Variants in COL25A1 observed in about 807,000 individuals in gnomAD.
The protein encoded by COL25A1 is collagen type XXV alpha 1 chain.
A neutral mutation model predicts 128.4 loss-of-function variants in COL25A1; 103 were observed. The observed-to-expected ratio is 0.80, with a 90% CI of 0.68 to 0.94. COL25A1 has a LOEUF of 0.94. COL25A1 is among the 40% of genes least tolerant of loss of function. The pLI is 0.00. For missense variants in COL25A1, 745 were observed against 840.0 expected (o/e 0.89, Z 1.40); for synonymous variants, 279 against 277.2 (o/e 1.01, Z -0.06).
chr4:109,055,778 T>C (rs1761398477), intron 3 of COL25A1, among the ~76,000 whole-genome samples: 1 of 152,230 alleles, frequency 6.6e-6, no homozygotes, highest in Non-Finnish European at 1.5e-5. Flanking sequence ...GTCTATGAGC[T>C]ATTTGATGCA....
chr4:108,996,606 T>C (rs1227941989), intron 6 of COL25A1, among the ~76,000 whole-genome samples: 1 of 152,184 alleles, frequency 6.6e-6, no homozygotes, highest in African/African-American at 2.4e-5. Flanking sequence ...TGAACTCAGC[T>C]CTGGATCAAG....
chr4:109,239,929 A>G (rs1169591460), intron 3 of COL25A1, among the ~76,000 whole-genome samples: 1 of 152,010 alleles, frequency 6.6e-6, no homozygotes, highest in Non-Finnish European at 1.5e-5. Context: ...ACACAAACAC[A>G]CACTTTAGCC....
At chr4:109,158,697 C>T (rs1340034341) in intron 3 of COL25A1, among the ~76,000 whole-genome samples, 1 of 152,152 alleles carries the variant, frequency 6.6e-6, no homozygotes, top group East Asian at 1.9e-4. Context: ...TACTGTGCCT[C>T]AGTGATTTAC....
At chr4:108,998,548 A>C (rs1364116485) in intron 6 of COL25A1, among the ~76,000 whole-genome samples, 2 of 152,214 alleles carry the variant, frequency 1.3e-5, no homozygotes, top group African/African-American at 4.8e-5. Context: ...GCCCAAGGTA[A>C]TTTATAGATT....
At chr4:109,152,957 A>T (rs1280386672) in intron 3 of COL25A1, among the ~76,000 whole-genome samples, 1 of 152,134 alleles carries the variant, frequency 6.6e-6, no homozygotes, top group African/African-American at 2.4e-5. Context: ...GAGATGGATG[A>T]TGGTGATGGT....
intron 16 of COL25A1, among the ~76,000 whole-genome samples, chr4:108,893,322 C>A (rs2125851201): frequency 6.6e-6 from 1 of 152,292 alleles, no homozygotes; most frequent in Middle Eastern, 3.4e-3. Flanking sequence ...GTGTGCAGCA[C>A]AAATACCCCA....
At chr4:109,250,635 T>C (rs554057898) in intron 3 of COL25A1, among the ~76,000 whole-genome samples, 2 of 152,338 alleles carry the variant, frequency 1.3e-5, no homozygotes, top group East Asian at 3.9e-4. Flanking sequence ...AAATTCTCCC[T>C]TATTCTACCT....
At chr4:108,877,533 T>G (rs761079929) in intron 19 of COL25A1, among the ~76,000 whole-genome samples, 67 of 152,306 alleles carry the variant, frequency 4.4e-4, no homozygotes, top group Non-Finnish European at 8.5e-4. Context: ...GATAGATACC[T>G]TTAAGGTAAG....
chr4:109,234,359 C>T (rs1411174849), intron 3 of COL25A1, among the ~76,000 whole-genome samples: 1 of 152,102 alleles, frequency 6.6e-6, no homozygotes, highest in Non-Finnish European at 1.5e-5. Context: ...GACTCTCCAA[C>T]ATCTACTCTA....
At chr4:109,073,276 A>C (rs1763129664) in intron 3 of COL25A1, among the ~76,000 whole-genome samples, 1 of 152,152 alleles carries the variant, frequency 6.6e-6, no homozygotes, top group Non-Finnish European at 1.5e-5. Flanking sequence ...TCAAATCCTG[A>C]ATGTAACTTT....
chr4:109,182,548 G>A (rs961074394), intron 3 of COL25A1, among the ~76,000 whole-genome samples: 1 of 152,074 alleles, frequency 6.6e-6, no homozygotes, highest in South Asian at 2.1e-4. Context: ...CATGGTAAAG[G>A]TTTCAGCAAT....
intron 3 of COL25A1, among the ~76,000 whole-genome samples, chr4:109,134,230 T>C (rs1769492555): frequency 6.6e-6 from 1 of 151,658 alleles, no homozygotes; most frequent in South Asian, 2.1e-4. Context: ...GAGGAGTCTT[T>C]AAGAGTCGTA....
chr4:109,256,114 GTGTGTGTT>G (rs1236868508), intron 3 of COL25A1, among the ~76,000 whole-genome samples: 7 of 151,762 alleles, frequency 4.6e-5, no homozygotes, highest in Non-Finnish European at 8.8e-5. Context: ...GTGTGTGTGT[GTGTGTGTT>G]TGAGTACAAA....
intron 3 of COL25A1, among the ~76,000 whole-genome samples, chr4:109,234,747 T>A (rs1779360570): frequency 6.6e-6 from 1 of 152,066 alleles, no homozygotes; most frequent in Non-Finnish European, 1.5e-5. Flanking sequence ...CCTGCAACAA[T>A]CTGATGAATT....
At chr4:109,261,987 G>A (rs1015195322) in intron 3 of COL25A1, among the ~76,000 whole-genome samples, 56 of 151,520 alleles carry the variant, frequency 3.7e-4, no homozygotes, top group African/African-American at 1.4e-3. Flanking sequence ...ATGAGCCACC[G>A]CGCCCGGCTG....
intron 3 of COL25A1, among the ~76,000 whole-genome samples, chr4:109,254,089 GAAA>G (rs536937780): frequency 2.9e-5 from 2 of 68,552 alleles, no homozygotes; most frequent in Non-Finnish European, 3.3e-5. Flanking sequence ...TCCGTCTCAA[GAAA>G]AAAAAAAAAA....
chr4:109,012,193 A>T (rs192340171), intron 5 of COL25A1, among the ~76,000 whole-genome samples: 61 of 152,304 alleles, frequency 4.0e-4, no homozygotes, highest in East Asian at 9.7e-4. Context: ...TATTAAAAAA[A>T]TTTTTTTGAG....
In COL25A1 at chr4:109,293,556, GT is replaced by G. The variant is rs566017681; in HGVS notation, c.367+7026del. On this transcript the variant is annotated intron_variant, in intron 3 of 37. Coordinates refer to ENST00000399132, the MANE Select transcript of COL25A1 (RefSeq NM_198721.4). ...AAATGTGAAAATTGTGTTTTAAAAT[GT>G]GCTGACCACACTTCAAATACAAGAA... is the stretch of plus-strand genomic sequence containing the variant. 2.6e-3 allele frequency among the ~76,000 whole-genome samples: 395 copies of G among 152,108 alleles called. 5 individuals carry two copies. The highest frequency in any genetic ancestry group is 9.1e-3 in the African/African-American group (378 of 41,504).
intron 3 of COL25A1, among the ~76,000 whole-genome samples, chr4:109,104,790 G>A (rs148225205): frequency 9.9e-5 from 15 of 152,278 alleles, no homozygotes; most frequent in African/African-American, 2.9e-4. Flanking sequence ...GTTGTAAGAC[G>A]ATGTTTGAAT....
Sources: allele counts gnomAD v4.1 joint callset (sites outside exome capture counted in the v4.1 genomes callset), GRCh38; gene constraint gnomAD v4.1.1; transcripts MANE v1.5; gene names NCBI Gene and HGNC (gene_info 2026-07-23, HGNC 2026-07-21).